Variants in RBFOX3 observed in about 807,000 individuals in gnomAD.
The protein encoded by RBFOX3 is RNA binding protein fox-1 homolog 3.
In RBFOX3, 17 loss-of-function variants were observed where a neutral mutation model predicts 48.7. The observed-to-expected ratio is 0.35, with a 90% CI of 0.24 to 0.52. The LOEUF is 0.52. RBFOX3 is among the 20% of genes least tolerant of loss of function. The probability of loss-of-function intolerance (pLI) is 0.94; values close to 1 mark genes in which losing one functional copy is unlikely to be tolerated. For missense variants in RBFOX3, 382 were observed against 497.5 expected (o/e 0.77, Z 2.21); for synonymous variants, 212 against 209.5 (o/e 1.01, Z -0.10).
At chr17:79,101,988 G>A (rs2076529978) in intron 8 of RBFOX3, among the ~76,000 whole-genome samples, 1 of 152,176 alleles carries the variant, frequency 6.6e-6, no homozygotes, top group African/African-American at 2.4e-5. Flanking sequence ...CAGCTAAGAG[G>A]CTGGACTCCA....
Position 79,254,721 on chromosome 17 carries a change from G to A in RBFOX3, c.-73-18916C>T, listed in dbSNP as rs771004323. Among the ~76,000 whole-genome samples the A allele has an allele frequency of 9.2e-5, 14 of 152,216 alleles. No homozygotes were observed. Among genetic ancestry groups the A allele is most frequent in the Non-Finnish European group, 1.6e-4 (11 of 68,010 alleles). The stretch of plus-strand genomic sequence containing the variant: ...TGTCAGTCCAGGCTGTGAAAAACCC[G>A]CCCTGCCTGAGTGGGTGCCTTACCT... On this transcript the variant is annotated intron_variant, in intron 3 of 14. Coordinates refer to ENST00000693108, the MANE Select transcript of RBFOX3 (RefSeq NM_001350451.2). This position sits in a 1 kb window ranked among gnomAD's most constrained non-coding sequence, Gnocchi z 4.8.
intron 2 of RBFOX3, among the ~76,000 whole-genome samples, chr17:79,420,858 C>T (rs971626): frequency 0.36 from 54,947 of 152,026 alleles, 10,043 homozygotes; most frequent in Middle Eastern, 0.4. Context: ...CAGGAAGTAA[C>T]AATGTGATGT....
chr17:79,584,233 C>A (rs998281751), intron 1 of RBFOX3, among the ~76,000 whole-genome samples: 2,436 of 152,224 alleles, frequency 0.016, 65 homozygotes, highest in African/African-American at 0.055. Context: ...CCCAACCAAT[C>A]AAAAAATAAT....
At position 79,418,353 on chromosome 17, in the gene RBFOX3, T is replaced by C. The variant is rs1254850031; in HGVS notation, c.-175+64101A>G. Among the ~76,000 whole-genome samples, 2 of 152,170 alleles carry C rather than the reference T, an allele frequency of 1.3e-5. No individual in the cohort carries two copies. The highest frequency in any genetic ancestry group is 2.9e-5 in the Non-Finnish European group (2 of 68,042). ...GCACACACGTTTCCCACACTAAAAG[T>C]TGGCCACGTTCTTCCTACAGCAAAA... On this transcript the variant is annotated intron_variant, in intron 2 of 14. Transcript: ENST00000693108. The surrounding 1 kb of genome is among the most constrained non-coding windows in gnomAD (Gnocchi z 5.0).
chr17:79,202,742 C>T (rs755691454), intron 4 of RBFOX3, among the ~76,000 whole-genome samples: 1 of 152,244 alleles, frequency 6.6e-6, no homozygotes, highest in South Asian at 2.1e-4. Flanking sequence ...ACACGCTGCA[C>T]AGCACTGCCC....
At chr17:79,376,898 GC>G (rs988504208) in intron 2 of RBFOX3, among the ~76,000 whole-genome samples, 3 of 152,036 alleles carry the variant, frequency 2.0e-5, no homozygotes, top group African/African-American at 7.2e-5. Context: ...AGGTTGGGAA[GC>G]CCCCATTCTC....
chr17:79,173,109 C>G (rs1490791033), intron 4 of RBFOX3, among the ~76,000 whole-genome samples: 6 of 152,190 alleles, frequency 3.9e-5, no homozygotes, highest in Non-Finnish European at 7.3e-5. Flanking sequence ...ACTTGGGAGG[C>G]TGAGGCACGA....
At chr17:79,525,679 T>A (rs1012004844) in intron 1 of RBFOX3, among the ~76,000 whole-genome samples, 6 of 152,194 alleles carry the variant, frequency 3.9e-5, no homozygotes, top group Middle Eastern at 3.2e-3. Flanking sequence ...ATTCCTTGGG[T>A]AGTATATTAG....
In RBFOX3 at chr17:79,277,309, G is replaced by C. The variant is rs570428787; in HGVS notation, c.-74+30415C>G. Among the ~76,000 whole-genome samples the C allele has an allele frequency of 7.8e-3, 1,108 of 142,112 alleles. 23 individuals are homozygous for C. The highest frequency in any genetic ancestry group is 0.026 in the African/African-American group (1,004 of 38,340). The allele number at this position is 142,112 out of a possible 152,430, so 93.2% of individuals were successfully genotyped here. A position where few individuals can be genotyped will look rare whatever the true frequency, so the allele number is the denominator to read the frequency against. On this transcript the variant is annotated intron_variant, in intron 3 of 14. Transcript: ENST00000693108. ...AAGGATTCCAATGGTGGGGAGGGGGGGGGTAGTGCTGCTCGACTGGTACCT... is the reference window on the plus strand; with the variant it reads ...AAGGATTCCAATGGTGGGGAGGGGGCGGGTAGTGCTGCTCGACTGGTACCT...
rs192675255 is a variant in RBFOX3 at position 79,323,733 on chromosome 17, G to A, written c.-174-15909C>T. ...TTCTGCCTTGGCCAGAGATGGCTGCGTGCCGAGAGCTGGCGAGAGAGGCAT... is the reference window on the plus strand; with the variant it reads ...TTCTGCCTTGGCCAGAGATGGCTGCATGCCGAGAGCTGGCGAGAGAGGCAT... On this transcript the variant is annotated intron_variant, in intron 2 of 14. Transcript: ENST00000693108. Among the ~76,000 whole-genome samples, 38 of 152,344 alleles carry A rather than the reference G, an allele frequency of 2.5e-4. No individual in the cohort carries two copies. In the East Asian group the frequency reaches 2.5e-3, roughly 10 times the overall value.
chr17:79,428,580 T>C (rs1355804007), intron 2 of RBFOX3, among the ~76,000 whole-genome samples: 1 of 152,212 alleles, frequency 6.6e-6, no homozygotes, highest in Non-Finnish European at 1.5e-5. Context: ...TCTGGTTCCC[T>C]GAGCTGCACC....
chr17:79,179,063 G>A (rs941436161), intron 4 of RBFOX3, among the ~76,000 whole-genome samples: 15 of 152,200 alleles, frequency 9.9e-5, no homozygotes, highest in African/African-American at 3.6e-4. Flanking sequence ...CAAGTCAACA[G>A]GGGAAGCATC....
the RBFOX3 span, among the ~76,000 whole-genome samples, chr17:79,634,666 G>A: frequency 1.3e-5 from 2 of 152,118 alleles, no homozygotes; most frequent in Non-Finnish European, 2.9e-5. Flanking sequence ...CTAAGACAAC[G>A]GGAGGGAGCA....
the RBFOX3 span, among the ~76,000 whole-genome samples, chr17:79,636,049 C>A: frequency 8.5e-5 from 13 of 152,110 alleles, no homozygotes; most frequent in Non-Finnish European, 1.9e-4. Flanking sequence ...CTGAAAATTC[C>A]ATTTCCAGGA....
In RBFOX3 at chr17:79,243,340, T is replaced by C. The variant is rs188287301; in HGVS notation, c.-73-7535A>G. Among the ~76,000 whole-genome samples, 1 of 152,210 alleles carries C rather than the reference T, an allele frequency of 6.6e-6. No homozygotes were observed. Among genetic ancestry groups the C allele is most frequent in the African/African-American group, 2.4e-5 (1 of 41,520 alleles). ...CCCAGGAGAAAACCCACTGTACTCCTTTTGCTCATTGCCGGGTCTAACTCC... is the reference window on the plus strand; with the variant it reads ...CCCAGGAGAAAACCCACTGTACTCCCTTTGCTCATTGCCGGGTCTAACTCC... On this transcript the variant is annotated intron_variant, in intron 3 of 14. Coordinates refer to ENST00000693108, the MANE Select transcript of RBFOX3 (RefSeq NM_001350451.2). This position sits in a 1 kb window ranked among gnomAD's most constrained non-coding sequence, Gnocchi z 7.9.
At chr17:79,609,879 C>T (rs895274345) in intron 1 of RBFOX3, among the ~76,000 whole-genome samples, 4 of 152,138 alleles carry the variant, frequency 2.6e-5, no homozygotes, top group Non-Finnish European at 4.4e-5. Flanking sequence ...ACCACCTTCC[C>T]GAGCGTGCGA....
chr17:79,393,193 T>A (rs919610740), intron 2 of RBFOX3, among the ~76,000 whole-genome samples: 2 of 152,250 alleles, frequency 1.3e-5, no homozygotes, highest in Non-Finnish European at 2.9e-5. Context: ...AAAACCTTTA[T>A]GGAGACGGAT....
chr17:79,373,712 C>T (rs1042599144), intron 2 of RBFOX3, among the ~76,000 whole-genome samples: 1 of 152,114 alleles, frequency 6.6e-6, no homozygotes, highest in Non-Finnish European at 1.5e-5. Flanking sequence ...TCCCCCTCAA[C>T]CCCCGAGCAG....
chr17:79,183,518 G>T (rs2052666987), intron 4 of RBFOX3: 1 of 152,056 alleles, frequency 6.6e-6, no homozygotes, highest in South Asian at 2.1e-4. Context: ...TAAGAGGGAG[G>T]CATCGAAAGG....
Sources: allele counts gnomAD v4.1 joint callset (sites outside exome capture counted in the v4.1 genomes callset), GRCh38; gene constraint gnomAD v4.1.1; non-coding constraint Gnocchi (gnomAD v3.1); transcripts MANE v1.5; gene names NCBI Gene and HGNC (gene_info 2026-07-23, HGNC 2026-07-21).